Variants in ZFR observed in about 807,000 individuals in gnomAD.
ZFR encodes the protein zinc finger RNA-binding protein.
In ZFR, 19 loss-of-function variants were observed where a neutral mutation model predicts 130.7. That is an observed-to-expected ratio of 0.15 (90% CI 0.10 to 0.21). ZFR has a LOEUF of 0.21. Ranked by LOEUF, ZFR falls within the 10% of genes least tolerant of loss-of-function variation. The pLI, the probability that ZFR is intolerant of heterozygous loss-of-function variation, is 1.00. For synonymous variants in ZFR, 466 were observed against 456.9 expected (o/e 1.02, Z -0.25); for missense variants, 872 against 1,321.5 (o/e 0.66, Z 5.27).
chr5:32,426,074 AACT>A (rs552564324), intron 2 of ZFR, among the ~76,000 whole-genome samples: 65 of 152,344 alleles, frequency 4.3e-4, no homozygotes, highest in African/African-American at 1.4e-3. Flanking sequence ...CATTAATAAA[AACT>A]ACTAATTACA....
Position 32,354,467 on chromosome 5 carries a change from T to A in ZFR, c.*1293A>T, listed in dbSNP as rs1752262609. The stretch of plus-strand genomic sequence containing the variant: ...TATATGAATTTCATTTTTTGTGTAT[T>A]TCACTGTAGTGCTGTGACAACAAAA... On this transcript the variant is annotated 3_prime_UTR_variant, in exon 20 of 20. Coordinates refer to ENST00000265069, the MANE Select transcript of ZFR (RefSeq NM_016107.5). 1.3e-5 allele frequency: 2 copies of A among 152,618 alleles called. No homozygotes were observed. Among genetic ancestry groups the A allele is most frequent in the South Asian group, 4.1e-4 (2 of 4,832 alleles). 9.5% of individuals were successfully genotyped at this position (152,618 alleles called of 1,614,324 possible).
intron 2 of ZFR, among the ~76,000 whole-genome samples, chr5:32,433,321 A>G (rs1329051595): frequency 6.6e-6 from 1 of 152,228 alleles, no homozygotes; most frequent in Non-Finnish European, 1.5e-5. Context: ...GAATTACAGT[A>G]ATTAAAAAAT....
chr5:32,395,339 G>A (rs201710543), intron 10 of ZFR, 35 bp from the exon 11 acceptor site: 655 of 1,438,374 alleles, frequency 4.6e-4, no homozygotes, highest in South Asian at 2.9e-3. Context: ...AAAAACAGCA[G>A]CCCCAAAACA....
intron 5 of ZFR, among the ~76,000 whole-genome samples, chr5:32,408,431 T>G (rs996821056): frequency 2.0e-5 from 3 of 152,162 alleles, no homozygotes; most frequent in Non-Finnish European, 4.4e-5. Flanking sequence ...TACATTTCTG[T>G]GGCATTTGTA....
At chr5:32,372,173 C>T (rs1420672601) in intron 17 of ZFR, among the ~76,000 whole-genome samples, 1 of 152,176 alleles carries the variant, frequency 6.6e-6, no homozygotes, top group Non-Finnish European at 1.5e-5. Context: ...CATAAGCAAT[C>T]CTCCAATCAT....
In ZFR at chr5:32,413,216, CAA is replaced by C. The variant is rs982180581; in HGVS notation, c.784+1751_784+1752del. ...TCAAAAAAAACAAAACAAAACAAAA[CAA>C]AAAACAAAACAAAACAAAACAAAAA... is the stretch of plus-strand genomic sequence containing the variant. On this transcript the variant is annotated intron_variant, in intron 5 of 19. Transcript: ENST00000265069. 3.5e-4 allele frequency among the ~76,000 whole-genome samples: 52 copies of C among 150,498 alleles called. 1 individual carries two copies. The highest frequency in any genetic ancestry group is 1.2e-3 in the African/African-American group (50 of 40,936).
At chr5:32,396,515 C>T (rs1451591025) in intron 10 of ZFR, among the ~76,000 whole-genome samples, 3 of 151,998 alleles carry the variant, frequency 2.0e-5, no homozygotes, top group African/African-American at 4.8e-5. Context: ...CCAAGGAGGG[C>T]GGATCATGAG....
chr5:32,391,224 T>A (rs1480535434), intron 11 of ZFR, among the ~76,000 whole-genome samples: 1 of 152,222 alleles, frequency 6.6e-6, no homozygotes, highest in Non-Finnish European at 1.5e-5. Flanking sequence ...TACTAGCCTA[T>A]TAGTTGCTTA....
In ZFR at chr5:32,424,882, G is replaced by A. The variant is rs538031831; in HGVS notation, c.138-4779C>T. Among the ~76,000 whole-genome samples, 5 of 152,280 alleles carry A rather than the reference G, an allele frequency of 3.3e-5. No individual in the cohort carries two copies. The East Asian group carries it at 9.6e-4, about 29-fold the overall frequency. On this transcript the variant is annotated intron_variant, in intron 2 of 19. Transcript: ENST00000265069. ...AATGTAAACGTTATCATAAATAAGA[G>A]TATACATTAAGTTTGGGGAGTGAAG...
chr5:32,370,836 C>T (rs1310272500), intron 17 of ZFR, among the ~76,000 whole-genome samples: 1 of 152,148 alleles, frequency 6.6e-6, no homozygotes, highest in African/African-American at 2.4e-5. Context: ...GACAGAAGAA[C>T]AACTAATTTG....
At chr5:32,421,592 A>G (rs1449354748) in intron 2 of ZFR, among the ~76,000 whole-genome samples, 1 of 152,182 alleles carries the variant, frequency 6.6e-6, no homozygotes, top group Non-Finnish European at 1.5e-5. Context: ...AATTCAGTCT[A>G]GAAAAGGTGA....
Position 32,406,805 on chromosome 5 carries a change from T to C in ZFR, c.1001A>G (p.Asp334Gly). The change falls in exon 6 of 20, where the codon GAT becomes GGT. Residue 334 changes from aspartate (D) to glycine (G), a missense_variant. Around this residue, in one of 7 missense-constraint regions of ZFR, gnomAD observed 240 missense variants for 441.2 expected, o/e 0.54. Coordinates refer to ENST00000265069, the MANE Select transcript of ZFR (RefSeq NM_016107.5). ...TCCAGCACAGCTGATCTTACAAACA[T>C]CACAATAGTGAATCTGTGGTGGTTT... is the stretch of plus-strand genomic sequence containing the variant. Reference protein sequence around the residue: ...PPKPPQIHYCDVCKISCAGPQ... With the variant: ...PPKPPQIHYCGVCKISCAGPQ... 6.2e-7 allele frequency: 1 copy of C among 1,613,812 alleles called. No individual in the cohort carries two copies. The highest frequency in any genetic ancestry group is 1.7e-5 in the Admixed American group (1 of 59,934).
Position 32,355,668 on chromosome 5 carries a change from G to T in ZFR, c.*92C>A. On this transcript the variant is annotated 3_prime_UTR_variant, in exon 20 of 20. Coordinates refer to ENST00000265069, the MANE Select transcript of ZFR (RefSeq NM_016107.5). Reference sequence around the variant, plus strand: ...CTTCCATGAAATCCTTTAAATTCTTGATAAATTTTTCAATGTAGACATTAT... The same window carrying T: ...CTTCCATGAAATCCTTTAAATTCTTTATAAATTTTTCAATGTAGACATTAT... 4 of 1,192,532 alleles carry T rather than the reference G, an allele frequency of 3.4e-6. No homozygotes were observed. Among genetic ancestry groups the T allele is most frequent in the African/African-American group, 3.2e-5 (2 of 63,424 alleles). 73.9% of individuals were successfully genotyped at this position (1,192,532 alleles called of 1,614,324 possible).
chr5:32,357,533 T>A (rs1003530858), intron 19 of ZFR, among the ~76,000 whole-genome samples: 1 of 152,216 alleles, frequency 6.6e-6, no homozygotes, highest in South Asian at 2.1e-4. Context: ...CCCGAAGTGC[T>A]GGGATTACAG....
At position 32,355,944 on chromosome 5, in the gene ZFR, A is replaced by G. The variant is rs1237706423; in HGVS notation, c.3046-5T>C. On this transcript the variant is annotated splice_polypyrimidine_tract_variant and splice_region_variant and intron_variant, in intron 19 of 19. Coordinates refer to ENST00000265069, the MANE Select transcript of ZFR (RefSeq NM_016107.5). Reference sequence around the variant, plus strand: ...TGCAAGGAGTCTCAATGCAAACTGCAACAAAGAGAGTCAGAATTTTGAGTT... The same window carrying G: ...TGCAAGGAGTCTCAATGCAAACTGCGACAAAGAGAGTCAGAATTTTGAGTT... 1.3e-6 allele frequency: 2 copies of G among 1,576,934 alleles called. No homozygotes were observed. The highest frequency in any genetic ancestry group is 3.9e-5 in the Admixed American group (2 of 50,830).
intron 2 of ZFR, among the ~76,000 whole-genome samples, chr5:32,439,970 T>G (rs1223695882): frequency 6.6e-6 from 1 of 152,160 alleles, no homozygotes; most frequent in African/African-American, 2.4e-5. Flanking sequence ...CTTCTCTATC[T>G]TTGACAATGA....
intron 6 of ZFR, 173 bp downstream of exon 6, chr5:32,406,601 C>T (rs1561898685): frequency 1.2e-6 from 1 of 855,892 alleles, no homozygotes; most frequent in Non-Finnish European, 1.6e-6. Context: ...ATCATCTTTA[C>T]AGTTTTTTTT....
chr5:32,377,816 C>T (rs574739015), intron 17 of ZFR, among the ~76,000 whole-genome samples: 2 of 151,982 alleles, frequency 1.3e-5, no homozygotes, highest in South Asian at 4.2e-4. Context: ...CTCAGCCTCC[C>T]GAGTAGCTTG....
intron 5 of ZFR, among the ~76,000 whole-genome samples, chr5:32,413,996 G>C (rs1199006424): frequency 6.6e-6 from 1 of 151,978 alleles, no homozygotes; most frequent in Non-Finnish European, 1.5e-5. Context: ...TTTCCACCTG[G>C]TTGTCCGGTT....
Sources: gnomAD v4.1 joint callset for allele counts (sites outside exome capture counted in the v4.1 genomes callset) on GRCh38, gnomAD v4.1.1 for gene constraint, gnomAD v4.1.1 regional missense constraint, MANE v1.5 for transcripts, NCBI Gene and HGNC (gene_info 2026-07-23, HGNC 2026-07-21) for gene names.